The following TENM3 variants were observed in gnomAD, a reference collection of about 807,000 sequenced individuals.
The protein encoded by TENM3 is teneurin-3.
A neutral mutation model predicts 255.1 loss-of-function variants in TENM3; 63 were observed. That is an observed-to-expected ratio of 0.25 (90% CI 0.20 to 0.30). TENM3 has a LOEUF of 0.30. TENM3 is among the 10% of genes least tolerant of loss of function. TENM3 has a pLI of 1.00. For missense variants in TENM3, 2,929 were observed against 3,461.1 expected (o/e 0.85, Z 3.86); for synonymous variants, 1,306 against 1,322.3 (o/e 0.99, Z 0.27).
chr4:182,069,371 ACC>A, the TENM3 span, among the ~76,000 whole-genome samples: 3 of 152,072 alleles, frequency 2.0e-5, no homozygotes, highest in African/African-American at 7.2e-5. Context: ...CATTTTCAGT[ACC>A]CTCTTCCTTG....
At chr4:182,067,604 C>G in the TENM3 span, among the ~76,000 whole-genome samples, 1 of 152,154 alleles carries the variant, frequency 6.6e-6, no homozygotes, top group Admixed American at 6.5e-5. Context: ...ATAGAGGAAA[C>G]CCCAAGTGGG....
chr4:182,518,536 TG>T (rs1738233805), intron 3 of TENM3, among the ~76,000 whole-genome samples: 1 of 151,176 alleles, frequency 6.6e-6, no homozygotes, highest in African/African-American at 2.4e-5. Flanking sequence ...AATAGCAAAC[TG>T]CTGTGTTATG....
intron 3 of TENM3, among the ~76,000 whole-genome samples, chr4:182,513,499 T>TA (rs1737622468): frequency 6.9e-6 from 1 of 145,952 alleles, no homozygotes; most frequent in African/African-American, 2.5e-5. Context: ...AGATCCTGAA[T>TA]GAAAAAAAAA....
the TENM3 span, among the ~76,000 whole-genome samples, chr4:181,584,788 T>C: frequency 6.6e-6 from 1 of 152,168 alleles, no homozygotes; most frequent in Non-Finnish European, 1.5e-5. Flanking sequence ...TTAGTAACAA[T>C]AGCAACATGC....
intron 1 of TENM3, among the ~76,000 whole-genome samples, chr4:182,230,583 T>A (rs1312491013): frequency 6.6e-6 from 1 of 151,796 alleles, no homozygotes; most frequent in Non-Finnish European, 1.5e-5. Context: ...GAAGGAAAGA[T>A]GGTCTGTGCC....
At chr4:181,808,610 A>G in the TENM3 span, among the ~76,000 whole-genome samples, 5 of 152,322 alleles carry the variant, frequency 3.3e-5, no homozygotes, top group East Asian at 7.7e-4. Flanking sequence ...TTTCTTAAAC[A>G]GCTAGATGCC....
chr4:181,787,340 C>CT, the TENM3 span, among the ~76,000 whole-genome samples: 31,896 of 141,376 alleles, frequency 0.23, 3,841 homozygotes, highest in East Asian at 0.38. Flanking sequence ...CTACATCCAT[C>CT]TTTTTTTTTT....
intron 1 of TENM3, among the ~76,000 whole-genome samples, chr4:182,227,803 C>A (rs1241889963): frequency 1.3e-5 from 2 of 151,934 alleles, no homozygotes; most frequent in African/African-American, 2.4e-5. Context: ...GTTATATTAG[C>A]CCTGAGGTTC....
At chr4:181,917,810 C>T in the TENM3 span, among the ~76,000 whole-genome samples, 1 of 151,750 alleles carries the variant, frequency 6.6e-6, no homozygotes, top group African/African-American at 2.4e-5. Flanking sequence ...TGCAGGTGCC[C>T]ACCATGACAC....
chr4:181,821,711 T>C, the TENM3 span: 2 of 152,210 alleles, frequency 1.3e-5, no homozygotes, highest in African/African-American at 2.4e-5. Flanking sequence ...ATGCATCTCT[T>C]GAGGGTCTAC....
At chr4:181,605,522 GAAAGAAAGAAAGAAAGAAA>G in the TENM3 span, among the ~76,000 whole-genome samples, 1 of 18,300 alleles carries the variant, frequency 5.5e-5, no homozygotes, top group African/African-American at 1.3e-4. Context: ...AAGAAAGAAA[GAAAGAAAGAAAGAAAGAAA>G]GAAAGAAAGA....
At chr4:182,118,707 A>G in the TENM3 span, among the ~76,000 whole-genome samples, 2 of 152,160 alleles carry the variant, frequency 1.3e-5, no homozygotes, top group African/African-American at 4.8e-5. Context: ...TTCTGCATCT[A>G]TGAAAATGGT....
the TENM3 span, among the ~76,000 whole-genome samples, chr4:181,632,206 A>G: frequency 2.6e-5 from 4 of 152,112 alleles, no homozygotes; most frequent in Admixed American, 6.5e-5. Context: ...CACGTCTTAC[A>G]TGGTGGCAGG....
At chr4:181,899,122 TG>T in the TENM3 span, among the ~76,000 whole-genome samples, 2 of 152,024 alleles carry the variant, frequency 1.3e-5, no homozygotes, top group South Asian at 2.1e-4. Flanking sequence ...TTTGGGCTAA[TG>T]TTTTTTTTCC....
chr4:181,801,983 A>G, the TENM3 span, among the ~76,000 whole-genome samples: 1 of 152,056 alleles, frequency 6.6e-6, no homozygotes, highest in African/African-American at 2.4e-5. Context: ...TGTACCTTCT[A>G]TTGTACCCTG....
At chr4:181,992,593 A>G in the TENM3 span, among the ~76,000 whole-genome samples, 2 of 152,102 alleles carry the variant, frequency 1.3e-5, no homozygotes, top group Non-Finnish European at 2.9e-5. Flanking sequence ...CATGTTATAA[A>G]TGACTTTCTC....
intron 1 of TENM3, among the ~76,000 whole-genome samples, chr4:182,305,327 T>C (rs1194057538): frequency 1.3e-5 from 2 of 152,250 alleles, no homozygotes; most frequent in East Asian, 3.8e-4. Flanking sequence ...GCTGATTTAC[T>C]GTAAAACTAA....
intron 2 of TENM3, among the ~76,000 whole-genome samples, chr4:182,345,722 A>G (rs1017564413): frequency 6.6e-6 from 1 of 152,220 alleles, no homozygotes; most frequent in Non-Finnish European, 1.5e-5. Context: ...AACAGCAGTC[A>G]TTTTAAAGTG....
chr4:182,101,667 T>C, the TENM3 span, among the ~76,000 whole-genome samples: 1 of 152,220 alleles, frequency 6.6e-6, no homozygotes, highest in South Asian at 2.1e-4. Context: ...AAAGTTCCCG[T>C]GAGACAGGAG....
Sources: allele counts gnomAD v4.1 joint callset (sites outside exome capture counted in the v4.1 genomes callset), GRCh38; gene constraint gnomAD v4.1.1; transcripts MANE v1.5; gene names NCBI Gene and HGNC (gene_info 2026-07-23, HGNC 2026-07-21).